The following SLC22A5 variants were observed in gnomAD, a reference collection of about 807,000 sequenced individuals.
The protein encoded by SLC22A5 is organic cation/carnitine transporter 2.
A neutral mutation model predicts 56.7 loss-of-function variants in SLC22A5; 44 were observed. That is an observed-to-expected ratio of 0.78 (90% CI 0.61 to 1.00). SLC22A5 has a LOEUF of 1.00. SLC22A5 is among the 50% of genes least tolerant of loss of function. The pLI is 0.00. For synonymous variants in SLC22A5, 278 were observed against 292.1 expected (o/e 0.95, Z 0.49); for missense variants, 675 against 723.0 (o/e 0.93, Z 0.76).
At chr5:132,373,680 T>C (rs1752023841) in intron 1 of SLC22A5, among the ~76,000 whole-genome samples, 1 of 152,124 alleles carries the variant, frequency 6.6e-6, no homozygotes, top group South Asian at 2.1e-4. Context: ...ATTTATGAGG[T>C]AAAAGAGTTT....
At chr5:132,386,808 G>C (rs1752547647) in intron 4 of SLC22A5, among the ~76,000 whole-genome samples, 1 of 152,190 alleles carries the variant, frequency 6.6e-6, no homozygotes, top group African/African-American at 2.4e-5. Context: ...GGGGTGCAGG[G>C]CTCTCCCATT....
Position 132,388,962 on chromosome 5 carries a change from T to C in SLC22A5, c.993T>C (p.Ile331=). The C allele has an allele frequency of 6.2e-7, 1 of 1,614,078 alleles. No homozygotes were observed. The highest frequency in any genetic ancestry group is 8.5e-7 in the Non-Finnish European group (1 of 1,179,916). Residue 331 remains isoleucine, a synonymous_variant, in exon 6 of 10, where the codon ATT becomes ATC. Coordinates refer to ENST00000245407, the MANE Select transcript of SLC22A5 (RefSeq NM_003060.4). ...CCAAGAAGCAGCAGTCCCACAACATTCTGGATCTGCTTCGAACCTGGAATA... is the reference window on the plus strand; with the variant it reads ...CCAAGAAGCAGCAGTCCCACAACATCCTGGATCTGCTTCGAACCTGGAATA... ...LSSKKQQSHN[I]LDLLRTWNIR...
chr5:132,381,373 G>A (rs1752339826), intron 2 of SLC22A5: 1 of 152,188 alleles, frequency 6.6e-6, no homozygotes, highest in Non-Finnish European at 1.5e-5. Flanking sequence ...TAAAAGTATG[G>A]CTGTTCTGCC....
rs768898702 is a variant in SLC22A5, at chr5:132,369,967, G to A, written c.-6G>A. On this transcript the variant is annotated 5_prime_UTR_variant, in exon 1 of 10. Transcript: ENST00000245407. ...AGGCCGCGCTCTGTGGGCCTCTGAG[G>A]GCGGCATGCGGGACTACGACGAGGT... 6.8e-6 allele frequency: 11 copies of A among 1,612,570 alleles called. No homozygotes were observed. Among genetic ancestry groups the A allele is most frequent in the Non-Finnish European group, 8.5e-6 (10 of 1,179,588 alleles).
chr5:132,380,394 A>T (rs1368395305), intron 2 of SLC22A5: 2 of 151,874 alleles, frequency 1.3e-5, no homozygotes, highest in East Asian at 1.9e-4. Context: ...GCGGTGGGCT[A>T]CTGAGATTTT....
At position 132,394,693 on chromosome 5, in the gene SLC22A5, C is replaced by A. The variant is rs2126793688; in HGVS notation, c.*421C>A. On this transcript the variant is annotated 3_prime_UTR_variant, in exon 10 of 10. Transcript: ENST00000245407. ...TTCCCCACTCCCCTCTAGTGGTGAA[C>A]TTTAGAGGAAAAGGAAGTAATTGCA... 1 of 190,520 alleles carries A rather than the reference C, an allele frequency of 5.2e-6. No individual in the cohort carries two copies. The highest frequency in any genetic ancestry group is 1.1e-4 in the South Asian group (1 of 9,110). The allele number at this position is 190,520 out of a possible 1,614,324, so 11.8% of individuals were successfully genotyped here.
intron 6 of SLC22A5, 52 bp from the exon 7 acceptor site, chr5:132,390,638 T>A: frequency 7.9e-7 from 1 of 1,267,294 alleles, no homozygotes; most frequent in Middle Eastern, 1.8e-4. Context: ...TTGTACAGGT[T>A]GGGAAAGATG....
At position 132,370,045 on chromosome 5, in the gene SLC22A5, C is replaced by G. The variant is rs779174922; in HGVS notation, c.73C>G (p.Leu25Val). Residue 25 changes from leucine to valine, a missense_variant, in exon 1 of 10, where the codon CTC becomes GTC. Transcript: ENST00000245407. Reference sequence around the variant, plus strand: ...CTTCCAGCGCCTCATCTTCTTCCTGCTCAGCGCCAGCATCATCCCCAATGG... The same window carrying G: ...CTTCCAGCGCCTCATCTTCTTCCTGGTCAGCGCCAGCATCATCCCCAATGG... ...GPFQRLIFFL[L>V]SASIIPNGFT... is the part of the protein sequence containing the mutation. 4 of 1,613,312 alleles carry G rather than the reference C, an allele frequency of 2.5e-6. No individual in the cohort carries two copies. In the Admixed American group the frequency reaches 5.0e-5, roughly 20 times the overall value.
In SLC22A5 at chr5:132,394,426, C is replaced by CA; in HGVS notation, c.*155dup. 1 of 711,066 alleles carries CA rather than the reference C, an allele frequency of 1.4e-6. No homozygotes were observed. Among genetic ancestry groups the CA allele is most frequent in the Admixed American group, 2.1e-5 (1 of 47,052 alleles). The allele number at this position is 711,066 out of a possible 1,614,324, so 44.0% of individuals were successfully genotyped here. ...TTGCTCCTGGATGGGCACCCACACT[C>CA]AGAGGCTACATATGGCCCTAGAGCA... On this transcript the variant is annotated 3_prime_UTR_variant, in exon 10 of 10. Coordinates refer to ENST00000245407, the MANE Select transcript of SLC22A5 (RefSeq NM_003060.4).
chr5:132,390,646 A>G (rs1403965001), intron 6 of SLC22A5, 44 bp from the exon 7 acceptor site: 2 of 1,347,850 alleles, frequency 1.5e-6, no homozygotes, highest in East Asian at 2.3e-5. Context: ...GTTGGGAAAG[A>G]TGTGGATACT....
At chr5:132,386,558 G>C (rs1292839538) in intron 4 of SLC22A5, among the ~76,000 whole-genome samples, 1 of 152,168 alleles carries the variant, frequency 6.6e-6, no homozygotes, top group Admixed American at 6.5e-5. Flanking sequence ...TAGAGTATCT[G>C]ACTAATCTGT....
intron 9 of SLC22A5, 56 bp downstream of exon 9, chr5:132,393,867 T>A (rs1237253841): frequency 6.2e-7 from 1 of 1,601,928 alleles, no homozygotes; most frequent in East Asian, 2.2e-5. Context: ...TGGCCAGGTC[T>A]CAGGAGCCCC....
At chr5:132,372,069 G>C (rs1751956081) in intron 1 of SLC22A5, among the ~76,000 whole-genome samples, 1 of 152,188 alleles carries the variant, frequency 6.6e-6, no homozygotes, top group Admixed American at 6.5e-5. Flanking sequence ...AGTGTGACCG[G>C]AGCCCCACTG....
intron 7 of SLC22A5, 81 bp from the exon 8 acceptor site, chr5:132,392,352 G>T (rs56121660): frequency 7.4e-7 from 1 of 1,347,406 alleles, no homozygotes; most frequent in African/African-American, 1.4e-5. Context: ...AATTTGGGAA[G>T]AAAGTATGTT....
At chr5:132,386,544 T>C (rs868134043) in intron 4 of SLC22A5, among the ~76,000 whole-genome samples, 2 of 152,172 alleles carry the variant, frequency 1.3e-5, no homozygotes, top group Middle Eastern at 3.2e-3. Flanking sequence ...CATGCTATTT[T>C]AGGTAGAGTA....
At chr5:132,389,258 T>A (rs274554) in intron 6 of SLC22A5, 17 of 494,174 alleles carry the variant, frequency 3.4e-5, no homozygotes, top group African/African-American at 2.3e-4. Context: ...TATGGACTCT[T>A]GTGGGGAATC....
rs1752730970 is a variant in SLC22A5 at position 132,392,354 on chromosome 5, A to C, written c.1268-79A>C. The C allele has an allele frequency of 1.5e-5, 21 of 1,356,374 alleles. No individual in the cohort carries two copies. The South Asian group carries it at 2.4e-4, about 16-fold the overall frequency. The allele number at this position is 1,356,374 out of a possible 1,614,324, so 84.0% of individuals were successfully genotyped here. A position where few individuals can be genotyped will look rare whatever the true frequency, so the allele number is the denominator to read the frequency against. The stretch of plus-strand genomic sequence containing the variant: ...TGACTCCCCAAAAAATTTGGGAAGA[A>C]AGTATGTTTGTTTTGCTCTCAATAG... On this transcript the variant is annotated intron_variant, in intron 7 of 9. Transcript: ENST00000245407.
At chr5:132,377,860 G>A in intron 1 of SLC22A5, 1 of 386,326 alleles carries the variant, frequency 2.6e-6, no homozygotes. Context: ...AAAGGACCCG[G>A]GGGTCATTGG....
chr5:132,389,336 C>T (rs1165370133), intron 6 of SLC22A5: 8 of 369,712 alleles, frequency 2.2e-5, no homozygotes, highest in Non-Finnish European at 3.7e-5. Flanking sequence ...ACCCAGTTAC[C>T]GACAGTGGCT....
Sources: gnomAD v4.1 joint callset for allele counts (sites outside exome capture counted in the v4.1 genomes callset) on GRCh38, gnomAD v4.1.1 for gene constraint, MANE v1.5 for transcripts, NCBI Gene and HGNC (gene_info 2026-07-23, HGNC 2026-07-21) for gene names.